RARS2: variants seen among roughly 807,000 people sequenced by gnomAD.
The protein encoded by RARS2 is probable arginine--tRNA ligase, mitochondrial.
In RARS2, 67 loss-of-function variants were observed where a neutral mutation model predicts 88.5. That is an observed-to-expected ratio of 0.76 (90% CI 0.62 to 0.93). The LOEUF (loss-of-function observed/expected upper bound fraction) is 0.93. Among genes scored for constraint, RARS2 ranks in the 40% least tolerant of loss-of-function variants. The pLI, the probability that RARS2 is intolerant of heterozygous loss-of-function variation, is 0.00. For synonymous variants in RARS2, 239 were observed against 230.3 expected, an observed-to-expected ratio of 1.04 and a Z score of -0.34; for missense variants, 664 against 684.2, an observed-to-expected ratio of 0.97 and a Z score of 0.33.
At chr6:87,556,110 A>G (rs988755991) in intron 4 of RARS2, among the ~76,000 whole-genome samples, 2 of 152,234 alleles carry the variant, frequency 1.3e-5, no homozygotes, top group African/African-American at 4.8e-5. Flanking sequence ...ATAAAAATGT[A>G]TAATGCCTAT....
intron 1 of RARS2, among the ~76,000 whole-genome samples, chr6:87,580,591 CAAA>C (rs71018102): frequency 2.9e-5 from 4 of 136,654 alleles, no homozygotes; most frequent in Admixed American, 7.3e-5. Context: ...AACCCTGTCT[CAAA>C]AAAAAAAAAA....
rs539281973 is a variant in RARS2 at position 87,514,602 on chromosome 6, A to C, written c.1651-103T>G. 9.2e-5 allele frequency: 96 copies of C among 1,040,432 alleles called. 1 individual carries two copies. In the South Asian group the frequency reaches 1.0e-3, roughly 11 times the overall value. The allele number at this position is 1,040,432 out of a possible 1,614,324, so 64.5% of individuals were successfully genotyped here. On this transcript the variant is annotated intron_variant, in intron 19 of 19. Transcript: ENST00000369536. ...TTATTCTTTCTAGTTTAAAGCAGGA[A>C]CAATATGTCAAAGTGCCCTAGAGTT...
chr6:87,578,516 T>C (rs985210706), intron 1 of RARS2, among the ~76,000 whole-genome samples: 2 of 152,216 alleles, frequency 1.3e-5, no homozygotes, highest in Non-Finnish European at 2.9e-5. Flanking sequence ...TATAAAAGTA[T>C]GTTTAAGGAA....
At chr6:87,553,130 TC>T (rs1174254334) in intron 5 of RARS2, among the ~76,000 whole-genome samples, 1 of 152,192 alleles carries the variant, frequency 6.6e-6, no homozygotes, top group African/African-American at 2.4e-5. Context: ...TGTGCCTGTT[TC>T]AAGACTAGAT....
intron 3 of RARS2, among the ~76,000 whole-genome samples, chr6:87,563,553 G>C (rs1398914929): frequency 1.3e-5 from 2 of 152,136 alleles, no homozygotes; most frequent in African/African-American, 2.4e-5. Context: ...GTGGATGTAT[G>C]TTAATAACCT....
At chr6:87,577,800 T>C (rs12530371) in intron 1 of RARS2, among the ~76,000 whole-genome samples, 47,417 of 152,100 alleles carry the variant, frequency 0.31, 7,521 homozygotes, top group Admixed American at 0.41. Context: ...TCCCTTATGG[T>C]AGACGGTGAT....
rs188309214 is a variant in RARS2 at position 87,549,426 on chromosome 6, T to C, written c.396-780A>G. On this transcript the variant is annotated intron_variant, in intron 5 of 19. Transcript: ENST00000369536. ...ATTAGTCAGGTGTGGTGGTGCATGC[T>C]TGTAGTCCTAGCTACTTAGAAGGCT... Among the ~76,000 whole-genome samples, 270 of 151,830 alleles carry C rather than the reference T, an allele frequency of 1.8e-3. 1 individual carries two copies. Among genetic ancestry groups the C allele is most frequent in the Non-Finnish European group, 3.2e-3 (215 of 67,886 alleles).
rs562408973 is a variant in RARS2 at position 87,536,296 on chromosome 6, C to A, written c.613-5354G>T. Among the ~76,000 whole-genome samples the A allele has an allele frequency of 1.3e-4, 20 of 152,144 alleles. No homozygotes were observed. In the South Asian group the frequency reaches 4.2e-3, roughly 32 times the overall value. On this transcript the variant is annotated intron_variant, in intron 8 of 19. Transcript: ENST00000369536. ...ATAGGTAAAAGTAAATGATGACACC[C>A]TCATATCCATGATTCAGATTTAACA...
At chr6:87,548,903 A>G (rs543023041) in intron 5 of RARS2, among the ~76,000 whole-genome samples, 95 of 152,346 alleles carry the variant, frequency 6.2e-4, no homozygotes, top group African/African-American at 2.2e-3. Context: ...TTACTGTATC[A>G]GAAATCAAAA....
rs185284154 is a variant in RARS2, at chr6:87,514,594, A to G, written c.1651-95T>C. The G allele has an allele frequency of 2.9e-5, 32 of 1,104,586 alleles. No homozygotes were observed. In the African/African-American group the frequency reaches 4.8e-4, roughly 17 times the overall value. 68.4% of individuals were successfully genotyped at this position (1,104,586 alleles called of 1,614,324 possible). A position where few individuals can be genotyped will look rare whatever the true frequency, so the allele number is the denominator to read the frequency against. The stretch of plus-strand genomic sequence containing the variant: ...TTTAAAGGTTATTCTTTCTAGTTTA[A>G]AGCAGGAACAATATGTCAAAGTGCC... On this transcript the variant is annotated intron_variant, in intron 19 of 19. Coordinates refer to ENST00000369536, the MANE Select transcript of RARS2 (RefSeq NM_020320.5).
intron 4 of RARS2, among the ~76,000 whole-genome samples, chr6:87,559,685 T>C (rs1787245659): frequency 6.6e-6 from 1 of 152,128 alleles, no homozygotes; most frequent in African/African-American, 2.4e-5. Context: ...TTTTTATTAT[T>C]TTATTCTGAA....
At chr6:87,538,903 G>A (rs1780030501) in intron 8 of RARS2, among the ~76,000 whole-genome samples, 1 of 151,862 alleles carries the variant, frequency 6.6e-6, no homozygotes, top group South Asian at 2.1e-4. Flanking sequence ...GTGTGCTGGT[G>A]TGTGCTTGTA....
At chr6:87,538,285 C>T (rs1170671087) in intron 8 of RARS2, among the ~76,000 whole-genome samples, 1 of 152,158 alleles carries the variant, frequency 6.6e-6, no homozygotes, top group Non-Finnish European at 1.5e-5. Flanking sequence ...AATGCAGTTT[C>T]CCAGTGAATC....
chr6:87,563,628 C>G (rs2128172263), intron 3 of RARS2, among the ~76,000 whole-genome samples: 1 of 152,324 alleles, frequency 6.6e-6, no homozygotes, highest in Admixed American at 6.5e-5. Flanking sequence ...TAATTCCTTG[C>G]AATCCTTTCA....
intron 2 of RARS2, among the ~76,000 whole-genome samples, chr6:87,564,879 A>G (rs7739772): frequency 0.072 from 10,905 of 151,708 alleles, 544 homozygotes; most frequent in African/African-American, 0.15. Flanking sequence ...CCAACATGGA[A>G]AAACCCCATC....
At chr6:87,516,972 C>T (rs752739272) in intron 17 of RARS2, 92 bp from the exon 18 acceptor site, 49 of 1,557,018 alleles carry the variant, frequency 3.1e-5, no homozygotes, top group Non-Finnish European at 3.7e-5. Context: ...AAGGTTGACT[C>T]GACACGATTA....
At chr6:87,568,028 C>G (rs1200041430) in intron 2 of RARS2, among the ~76,000 whole-genome samples, 2 of 152,146 alleles carry the variant, frequency 1.3e-5, no homozygotes, top group African/African-American at 4.8e-5. Flanking sequence ...GCCTCGGCCT[C>G]CCAAAGTGCT....
At chr6:87,549,831 G>C (rs978851696) in intron 5 of RARS2, among the ~76,000 whole-genome samples, 1 of 152,184 alleles carries the variant, frequency 6.6e-6, no homozygotes, top group Non-Finnish European at 1.5e-5. Context: ...GAGAGATGAT[G>C]AAGCAAATAT....
intron 10 of RARS2, among the ~76,000 whole-genome samples, chr6:87,526,324 T>C (rs1775681600): frequency 6.6e-6 from 1 of 152,148 alleles, no homozygotes; most frequent in African/African-American, 2.4e-5. Context: ...AAGACCAGCC[T>C]GGGCAACATG....
Sources: gnomAD v4.1 joint callset for allele counts (sites outside exome capture counted in the v4.1 genomes callset) on GRCh38, gnomAD v4.1.1 for gene constraint, MANE v1.5 for transcripts, NCBI Gene and HGNC (gene_info 2026-07-23, HGNC 2026-07-21) for gene names.